Variants in ARHGAP29 observed in about 807,000 individuals in gnomAD.
ARHGAP29 encodes rho GTPase-activating protein 29.
Under a neutral mutation model 122.6 loss-of-function variants are expected in ARHGAP29, and 43 were observed. That is an observed-to-expected ratio of 0.35 (90% CI 0.27 to 0.45). The LOEUF is 0.45. Ranked by LOEUF, ARHGAP29 falls within the 20% of genes least tolerant of loss-of-function variation. ARHGAP29 has a pLI of 1.00. For missense variants in ARHGAP29, 1,303 were observed against 1,477.2 expected (o/e 0.88, Z 1.93); for synonymous variants, 506 against 497.1 (o/e 1.02, Z -0.24).
chr1:94,257,674 A>G (rs1041184260), intron 1 of ARHGAP29, among the ~76,000 whole-genome samples: 1 of 152,116 alleles, frequency 6.6e-6, no homozygotes, highest in African/African-American at 2.4e-5. Flanking sequence ...GTTCCACTGC[A>G]CTCTAACCTG....
At chr1:94,259,572 C>G (rs79805843) in intron 1 of ARHGAP29, among the ~76,000 whole-genome samples, 4,026 of 152,102 alleles carry the variant, frequency 0.026, 182 homozygotes, top group African/African-American at 0.092. Context: ...GGGGAAGATA[C>G]CTGTATAAAG....
At chr1:94,291,079 T>C in the ARHGAP29 span, among the ~76,000 whole-genome samples, 1 of 152,242 alleles carries the variant, frequency 6.6e-6, no homozygotes, top group African/African-American at 2.4e-5. Flanking sequence ...CTCTAAGGAC[T>C]TGCTTTATGA....
intron 1 of ARHGAP29, among the ~76,000 whole-genome samples, chr1:94,266,671 A>G (rs146086034): frequency 3.3e-5 from 5 of 152,312 alleles, no homozygotes; most frequent in East Asian, 1.9e-4. Flanking sequence ...AAAGAATACC[A>G]TTCAGGTGGA....
At chr1:94,243,771 T>C (rs1472699001) in intron 1 of ARHGAP29, among the ~76,000 whole-genome samples, 1 of 151,618 alleles carries the variant, frequency 6.6e-6, no homozygotes, top group Non-Finnish European at 1.5e-5. Context: ...AAAGATTAAA[T>C]TGATAAATAT....
At chr1:94,255,686 CATTAAA>C in intron 1 of ARHGAP29, among the ~76,000 whole-genome samples, 1 of 152,322 alleles carries the variant, frequency 6.6e-6, no homozygotes, top group East Asian at 1.9e-4. Flanking sequence ...GTAATACTGT[CATTAAA>C]ATGAGAAGGC....
At chr1:94,237,714 C>G (rs1185099048), upstream of ARHGAP29, 1 of 985,176 alleles carries the variant, frequency 1.0e-6, no homozygotes. Flanking sequence ...GTACGGGAGG[C>G]AACTAGCTCG....
chr1:94,270,504 A>G (rs917967714), intron 1 of ARHGAP29, among the ~76,000 whole-genome samples: 1 of 152,226 alleles, frequency 6.6e-6, no homozygotes, highest in Non-Finnish European at 1.5e-5. Flanking sequence ...CATTCCCAGC[A>G]ATAGTCCATT....
intron 1 of ARHGAP29, among the ~76,000 whole-genome samples, chr1:94,257,971 T>C (rs879832792): frequency 1.4e-4 from 22 of 152,144 alleles, no homozygotes; most frequent in Non-Finnish European, 3.1e-4. Context: ...AGAAGGAAGA[T>C]GATGATAGAA....
At chr1:94,202,094 A>C in intron 11 of ARHGAP29, 1 of 448,230 alleles carries the variant, frequency 2.2e-6, no homozygotes, top group Non-Finnish European at 3.9e-6. Flanking sequence ...TATTTGAAAT[A>C]GCATTTTATA....
intron 1 of ARHGAP29, among the ~76,000 whole-genome samples, chr1:94,265,053 T>C (rs1314794336): frequency 2.0e-5 from 3 of 152,196 alleles, no homozygotes; most frequent in Non-Finnish European, 2.9e-5. Flanking sequence ...AAGGAGTGTA[T>C]TAATTATGCA....
At chr1:94,211,677 T>A (rs1651629502) in intron 3 of ARHGAP29, among the ~76,000 whole-genome samples, 1 of 152,172 alleles carries the variant, frequency 6.6e-6, no homozygotes, top group South Asian at 2.1e-4. Flanking sequence ...TGAAATTAAA[T>A]CAGAAACAAC....
In ARHGAP29 at chr1:94,199,393, T is replaced by C. The variant is rs376652137; in HGVS notation, c.1281+2327A>G. On this transcript the variant is annotated intron_variant, in intron 12 of 22. Coordinates refer to ENST00000260526, the MANE Select transcript of ARHGAP29 (RefSeq NM_004815.4). The stretch of plus-strand genomic sequence containing the variant: ...CAAATGGTATCAAAACAAGTGGATA[T>C]CTGCATTTACCATGTTTTTTATTTT... Among the ~76,000 whole-genome samples, 16 of 152,348 alleles carry C rather than the reference T, an allele frequency of 1.1e-4. No individual in the cohort carries two copies. The East Asian group carries it at 3.1e-3, about 29-fold the overall frequency.
chr1:94,237,563 A>AGCCACAGGCACCACCACC lies in ARHGAP29; in HGVS notation c.-199_-182dup, dbSNP rs1653368272. On this transcript the variant is annotated 5_prime_UTR_variant, in exon 1 of 23. Transcript: ENST00000260526. The stretch of plus-strand genomic sequence containing the variant: ...CAGCCGCAGCCGCAGCCGCAGCCAC[A>AGCCACAGGCACCACCACC]GCCACAGGCACCACCACCACTGCAG... 3 of 991,172 alleles carry AGCCACAGGCACCACCACC rather than the reference A, an allele frequency of 3.0e-6. No homozygotes were observed. The highest frequency in any genetic ancestry group is 3.6e-6 in the Non-Finnish European group (3 of 834,342). The allele number at this position is 991,172 out of a possible 1,614,324, so 61.4% of individuals were successfully genotyped here. A position where few individuals can be genotyped will look rare whatever the true frequency, so the allele number is the denominator to read the frequency against.
chr1:94,267,160 A>G (rs967003549), intron 1 of ARHGAP29, among the ~76,000 whole-genome samples: 1 of 152,194 alleles, frequency 6.6e-6, no homozygotes, highest in Non-Finnish European at 1.5e-5. Flanking sequence ...CCTTTCTACA[A>G]AGGAGTCTCA....
intron 12 of ARHGAP29, among the ~76,000 whole-genome samples, chr1:94,200,972 A>G (rs1482560073): frequency 2.6e-5 from 4 of 152,196 alleles, no homozygotes; most frequent in Non-Finnish European, 4.4e-5. Flanking sequence ...TACTTACACA[A>G]ATTTGTAACT....
At chr1:94,258,554 G>T (rs1383841780) in intron 1 of ARHGAP29, among the ~76,000 whole-genome samples, 1 of 152,162 alleles carries the variant, frequency 6.6e-6, no homozygotes, top group Non-Finnish European at 1.5e-5. Context: ...TTGAGAGAGG[G>T]TCTTAGGGGG....
rs150834404 is a variant in ARHGAP29 at position 94,198,786 on chromosome 1, A to G, written c.1281+2934T>C. 8.6e-3 allele frequency among the ~76,000 whole-genome samples: 1,311 copies of G among 152,330 alleles called. 11 individuals carry two copies. The highest frequency in any genetic ancestry group is 0.014 in the Non-Finnish European group (978 of 68,026). ...GCTCCCCAGTCTGATCTAAAATTTA[A>G]TATCAATTCCAACCAAAATGTTGGC... On this transcript the variant is annotated intron_variant, in intron 12 of 22. Transcript: ENST00000260526.
upstream of ARHGAP29, among the ~76,000 whole-genome samples, chr1:94,241,882 G>C (rs1329154183): frequency 2.6e-5 from 4 of 151,676 alleles, no homozygotes; most frequent in Non-Finnish European, 2.9e-5. Context: ...TGTCATCTCT[G>C]AGAGATGGGA....
rs749675960 is a variant in ARHGAP29, at chr1:94,179,789, G to T, written c.2416C>A (p.Leu806Ile). 15 of 1,613,526 alleles carry T rather than the reference G, an allele frequency of 9.3e-6. No homozygotes were observed. The highest frequency in any genetic ancestry group is 1.2e-5 in the Non-Finnish European group (14 of 1,179,736). ...INRILLKSKD[L>I]LRQLPASNFN... is the part of the protein sequence containing the mutation. ...TTTGATGCTGGCAATTGTCTTAGAA[G>T]GTCTTTGCTTTTTAGAAGAATTCGG... Residue 806 changes from leucine to isoleucine, a missense_variant, in exon 20 of 23, where the codon CTT becomes ATT. Leu to Ile is a conservative substitution (Grantham distance 5). Coordinates refer to ENST00000260526, the MANE Select transcript of ARHGAP29 (RefSeq NM_004815.4).
Sources: allele counts gnomAD v4.1 joint callset (sites outside exome capture counted in the v4.1 genomes callset), GRCh38; gene constraint gnomAD v4.1.1; transcripts MANE v1.5; gene names NCBI Gene and HGNC (gene_info 2026-07-23, HGNC 2026-07-21).